The following NFE2L3 variants were observed in gnomAD, a reference collection of about 807,000 sequenced individuals.
NFE2L3 encodes NFE2 like bZIP transcription factor 3, also known as nuclear factor erythroid 2-related factor 3.
NFE2L3 carries 18 observed loss-of-function variants against 23.5 expected under a neutral mutation model. The observed-to-expected ratio is 0.77, with a 90% confidence interval of 0.53 to 1.13. The LOEUF is 1.13. NFE2L3 is among the 50% of genes most tolerant of loss of function. The pLI, the probability that NFE2L3 is intolerant of heterozygous loss-of-function variation, is 0.00. For synonymous variants in NFE2L3, 424 were observed against 354.5 expected (o/e 1.20, Z -2.20); for missense variants, 1,152 against 877.2 (o/e 1.31, Z -3.96).
rs143126955 is a variant in NFE2L3, at chr7:26,184,466, T to A, written c.835-67T>A. The A allele has an allele frequency of 1.6e-4, 232 of 1,409,100 alleles. 2 individuals are homozygous for A. The highest frequency in any genetic ancestry group is 3.7e-5 in the Non-Finnish European group (38 of 1,032,934). 87.3% of individuals were successfully genotyped at this position (1,409,100 alleles called of 1,614,324 possible). On this transcript the variant is annotated intron_variant, in intron 3 of 3. Transcript: ENST00000056233. ...TGACAAAAGAGGGGAAAGAAAGTTG[T>A]TAGGTAATAGAACTGCTTCAGAAAT...
chr7:26,174,186 G>A (rs1257504579), intron 1 of NFE2L3: 1 of 152,250 alleles, frequency 6.6e-6, no homozygotes, highest in African/African-American at 2.4e-5. Flanking sequence ...TTCTTGATGA[G>A]GTAGGAGAAT....
intron 1 of NFE2L3, among the ~76,000 whole-genome samples, chr7:26,153,792 C>A (rs1247308382): frequency 6.6e-6 from 1 of 152,154 alleles, no homozygotes; most frequent in Non-Finnish European, 1.5e-5. Flanking sequence ...CCAAGTTTAC[C>A]AAGATCTGTT....
chr7:26,180,334 A>G (rs868716681), intron 2 of NFE2L3, among the ~76,000 whole-genome samples: 3 of 152,018 alleles, frequency 2.0e-5, no homozygotes, highest in Non-Finnish European at 4.4e-5. Flanking sequence ...GTAACCCTCA[A>G]TTGCAACCTG....
chr7:26,177,086 C>T (rs1314632108), intron 1 of NFE2L3, among the ~76,000 whole-genome samples: 2 of 111,874 alleles, frequency 1.8e-5, no homozygotes, highest in African/African-American at 7.2e-5. Context: ...GGGGTGGCAG[C>T]CGGGCAGAGG....
intron 1 of NFE2L3, among the ~76,000 whole-genome samples, chr7:26,167,258 A>C (rs1281749581): frequency 6.6e-6 from 1 of 152,220 alleles, no homozygotes; most frequent in Non-Finnish European, 1.5e-5. Context: ...TTGTGATTTT[A>C]GATAGAACAG....
At position 26,184,046 on chromosome 7, in the gene NFE2L3, CAAAGG is replaced by C. The variant is rs530662379; in HGVS notation, c.834+271_834+275del. 3.8e-4 allele frequency: 181 copies of C among 477,738 alleles called. 1 individual carries two copies. Among genetic ancestry groups the C allele is most frequent in the African/African-American group, 3.3e-3 (168 of 50,368 alleles). 29.6% of individuals were successfully genotyped at this position (477,738 alleles called of 1,614,324 possible). A position where few individuals can be genotyped will look rare whatever the true frequency, so the allele number is the denominator to read the frequency against. ...CTAAAAGAATTATCAGGTATTTATC[CAAAGG>C]AAAGGAAATCAGTGTATCAAAGGGA... On this transcript the variant is annotated intron_variant, in intron 3 of 3. Transcript: ENST00000056233.
intron 1 of NFE2L3, among the ~76,000 whole-genome samples, chr7:26,162,759 C>A (rs1784193067): frequency 6.6e-6 from 1 of 151,354 alleles, no homozygotes; most frequent in Non-Finnish European, 1.5e-5. Flanking sequence ...GTTGCCCAGG[C>A]TGGAGTGCAG....
intron 1 of NFE2L3, among the ~76,000 whole-genome samples, chr7:26,162,574 T>C (rs1784189098): frequency 6.6e-6 from 1 of 152,186 alleles, no homozygotes; most frequent in Non-Finnish European, 1.5e-5. Context: ...AAATGAATCA[T>C]AAATGATACT....
chr7:26,162,462 G>A (rs1388305138), intron 1 of NFE2L3, among the ~76,000 whole-genome samples: 6 of 151,966 alleles, frequency 3.9e-5, no homozygotes, highest in Non-Finnish European at 8.8e-5. Context: ...TTCTGTTTAC[G>A]TATGTTTGAA....
rs755764018 is a variant in NFE2L3 at position 26,185,345 on chromosome 7, T to C, written c.1647T>C (p.Phe549=). The C allele has an allele frequency of 6.2e-7, 1 of 1,614,160 alleles. No individual in the cohort carries two copies. Among genetic ancestry groups the C allele is most frequent in the South Asian group, 1.1e-5 (1 of 91,080 alleles). Residue 549 remains phenylalanine, a synonymous_variant, in exon 4 of 4, where the codon TTT becomes TTC. Coordinates refer to ENST00000056233, the MANE Select transcript of NFE2L3 (RefSeq NM_004289.7). The part of the protein sequence containing the change: ...EQRAKALHIP[F]SVDEIVGMPV... ...GTGCTAAAGCTTTGCATATCCCTTT[T>C]TCTGTAGATGAAATTGTCGGCATGC...
At chr7:26,175,822 T>G (rs146690978) in intron 1 of NFE2L3, among the ~76,000 whole-genome samples, 9 of 150,934 alleles carry the variant, frequency 6.0e-5, no homozygotes, top group Non-Finnish European at 1.2e-4. Flanking sequence ...CAGTGTTTGC[T>G]TCCAATTAGC....
At chr7:26,180,144 C>T (rs1181445605) in intron 2 of NFE2L3, among the ~76,000 whole-genome samples, 2 of 152,112 alleles carry the variant, frequency 1.3e-5, no homozygotes, top group Non-Finnish European at 2.9e-5. Flanking sequence ...GTTTATATTT[C>T]CCAGGCAAAA....
Position 26,185,239 on chromosome 7 carries a change from T to G in NFE2L3, c.1541T>G (p.Phe514Cys), listed in dbSNP as rs760776168. The change falls in exon 4 of 4, where the codon TTT becomes TGT. Residue 514 changes from phenylalanine to cysteine, a missense_variant. Transcript: ENST00000056233. ...GCACCAGAATCTACTTCTGAACCTT[T>G]TCCGTGGCCTGGGAAGTCACAGAAG... ...PTAPESTSEP[F>C]PWPGKSQKIR... is the part of the protein sequence containing the mutation. 1.2e-6 allele frequency: 2 copies of G among 1,614,042 alleles called. No individual in the cohort carries two copies. Among genetic ancestry groups the G allele is most frequent in the Non-Finnish European group, 8.5e-7 (1 of 1,179,936 alleles).
At chr7:26,167,482 G>C (rs1385725417) in intron 1 of NFE2L3, among the ~76,000 whole-genome samples, 1 of 152,038 alleles carries the variant, frequency 6.6e-6, no homozygotes. Context: ...AAGGGCCCCA[G>C]CTCACAAGTT....
At chr7:26,175,560 G>A (rs910099734) in intron 1 of NFE2L3, among the ~76,000 whole-genome samples, 2 of 151,970 alleles carry the variant, frequency 1.3e-5, no homozygotes, top group African/African-American at 4.8e-5. Context: ...GGCGGATCAC[G>A]AGGTCAGGAG....
In NFE2L3 at chr7:26,152,449, C is replaced by T; in HGVS notation, c.-50C>T. 4 of 1,202,964 alleles carry T rather than the reference C, an allele frequency of 3.3e-6. No individual in the cohort carries two copies. The highest frequency in any genetic ancestry group is 4.1e-6 in the Non-Finnish European group (4 of 964,132). The allele number at this position is 1,202,964 out of a possible 1,614,324, so 74.5% of individuals were successfully genotyped here. A position where few individuals can be genotyped will look rare whatever the true frequency, so the allele number is the denominator to read the frequency against. ...GCACGTGTCACCCCGGCGGCTGGGG[C>T]GCCGGGACCCGCGGGCGCCGGCAGG... On this transcript the variant is annotated 5_prime_UTR_variant, in exon 1 of 4. Coordinates refer to ENST00000056233, the MANE Select transcript of NFE2L3 (RefSeq NM_004289.7). The surrounding 1 kb of genome is among the most constrained non-coding windows in gnomAD (Gnocchi z 4.4).
chr7:26,186,767 A>C lies in NFE2L3; in HGVS notation c.*984A>C, dbSNP rs1782497467. 1 of 152,196 alleles carries C rather than the reference A, an allele frequency of 6.6e-6. No individual in the cohort carries two copies. The highest frequency in any genetic ancestry group is 2.4e-5 in the African/African-American group (1 of 41,440). 9.4% of individuals were successfully genotyped at this position (152,196 alleles called of 1,614,324 possible). Reference sequence around the variant, plus strand: ...AAACCATCTGTTTAAAATGGGCAAAAGCGATTAAGGGAAAAAAAACAGGTG... The same window carrying C: ...AAACCATCTGTTTAAAATGGGCAAACGCGATTAAGGGAAAAAAAACAGGTG... On this transcript the variant is annotated 3_prime_UTR_variant, in exon 4 of 4. Coordinates refer to ENST00000056233, the MANE Select transcript of NFE2L3 (RefSeq NM_004289.7).
At chr7:26,182,988 T>C (rs1376059993) in intron 2 of NFE2L3, among the ~76,000 whole-genome samples, 1 of 152,010 alleles carries the variant, frequency 6.6e-6, no homozygotes, top group East Asian at 1.9e-4. Context: ...GGTCTTGTTG[T>C]GTTGCCCAAG....
At chr7:26,179,238 C>T (rs1784465163) in intron 2 of NFE2L3, among the ~76,000 whole-genome samples, 1 of 152,092 alleles carries the variant, frequency 6.6e-6, no homozygotes, top group South Asian at 2.1e-4. Context: ...CAGTTGCTCA[C>T]ACCTATAATC....
Sources: allele counts gnomAD v4.1 joint callset (sites outside exome capture counted in the v4.1 genomes callset), GRCh38; gene constraint gnomAD v4.1.1; non-coding constraint Gnocchi (gnomAD v3.1); transcripts MANE v1.5; gene names NCBI Gene and HGNC (gene_info 2026-07-23, HGNC 2026-07-21).